Variants in MMUT observed in about 807,000 individuals in gnomAD.
MMUT encodes the protein methylmalonyl-CoA mutase.
A neutral mutation model predicts 79.9 loss-of-function variants in MMUT; 79 were observed. The observed-to-expected ratio is 0.99, with a 90% CI of 0.82 to 1.19. The LOEUF is 1.19. Among genes scored for constraint, MMUT ranks in the 50% most tolerant of loss-of-function variants. MMUT has a pLI of 0.00. For synonymous variants in MMUT, 273 were observed against 295.7 expected (o/e 0.92, Z 0.79); for missense variants, 860 against 917.2 (o/e 0.94, Z 0.81).
In MMUT at chr6:49,456,235, G is replaced by A. The variant is rs376716145; in HGVS notation, c.756C>T (p.His252=). The A allele has an allele frequency of 2.7e-5, 43 of 1,604,188 alleles. No individual in the cohort carries two copies. Among genetic ancestry groups the A allele is most frequent in the Non-Finnish European group, 1.0e-5 (12 of 1,171,900 alleles). The change falls in exon 4 of 13, where the codon CAC becomes CAT. Residue 252 remains histidine, a splice_region_variant and synonymous_variant. Transcript: ENST00000274813. ...IADIFEYTAK[H]MPKFNSISIS... ...TTGAAATTGAATTAAATTTTGGCATGTGCTACATAAAAAAAAAAATTGTAA... is the reference window on the plus strand; with the variant it reads ...TTGAAATTGAATTAAATTTTGGCATATGCTACATAAAAAAAAAAATTGTAA...
intron 6 of MMUT, among the ~76,000 whole-genome samples, chr6:49,450,162 C>CA (rs1162338809): frequency 6.8e-6 from 1 of 147,106 alleles, no homozygotes; most frequent in Non-Finnish European, 1.5e-5. Context: ...ACTAGGGAGT[C>CA]AAAAGTTGCA....
chr6:49,437,384 T>C (rs1767159402), intron 11 of MMUT, among the ~76,000 whole-genome samples: 1 of 152,004 alleles, frequency 6.6e-6, no homozygotes, highest in Non-Finnish European at 1.5e-5. Context: ...AGCCACACAA[T>C]TATACAGTAT....
chr6:49,457,068 C>T (rs533548370), intron 3 of MMUT, among the ~76,000 whole-genome samples: 288 of 152,242 alleles, frequency 1.9e-3, no homozygotes, highest in Admixed American at 4.7e-3. Flanking sequence ...GGGTTGATGA[C>T]GATTTTCTCT....
In MMUT at chr6:49,438,359, G is replaced by A. The variant is rs186883175; in HGVS notation, c.1956+1847C>T. ...TTAAAAAAAGACAACAAAAATAAAC[G>A]AAAATAACCTTACTTATGAATTGAG... On this transcript the variant is annotated intron_variant, in intron 11 of 12. Transcript: ENST00000274813. 5.5e-3 allele frequency among the ~76,000 whole-genome samples: 840 copies of A among 151,916 alleles called. 5 individuals are homozygous for A. The highest frequency in any genetic ancestry group is 0.012 in the South Asian group (60 of 4,812).
At chr6:49,433,874 T>C (rs1239368107) in intron 12 of MMUT, among the ~76,000 whole-genome samples, 1 of 152,222 alleles carries the variant, frequency 6.6e-6, no homozygotes, top group Non-Finnish European at 1.5e-5. Context: ...ATAATACCCA[T>C]ATTCACACAA....
rs974131993 is a variant in MMUT, at chr6:49,441,884, G to A, written c.1764C>T (p.Arg588=). 1 of 1,611,848 alleles carries A rather than the reference G, an allele frequency of 6.2e-7. No individual in the cohort carries two copies. Among genetic ancestry groups the A allele is most frequent in the Non-Finnish European group, 8.5e-7 (1 of 1,178,682 alleles). ...ANDRMVSGAY[R]QEFGESKEIT... ...TCTCTTTACTTTCTCCAAATTCCTG[G>A]CGATATGCTCCACTCACCATTCGAT... Residue 588 remains arginine, a synonymous_variant, in exon 10 of 13, where the codon CGC becomes CGT. Transcript: ENST00000274813.
At chr6:49,448,690 G>A (rs1281662662) in intron 7 of MMUT, 126 bp downstream of exon 7, 10 of 767,226 alleles carry the variant, frequency 1.3e-5, no homozygotes, top group Non-Finnish European at 2.0e-5. Flanking sequence ...AAGTATATGA[G>A]AAAAAATTTA....
At chr6:49,457,529 G>A (rs571701135) in intron 3 of MMUT, among the ~76,000 whole-genome samples, 162 bp downstream of exon 3, 2 of 152,098 alleles carry the variant, frequency 1.3e-5, no homozygotes, top group African/African-American at 2.4e-5. Context: ...TGCAAGTAAC[G>A]ACAGAACATA....
At chr6:49,447,852 T>G (rs1767450085) in intron 7 of MMUT, 67 bp from the exon 8 acceptor site, 8 of 872,280 alleles carry the variant, frequency 9.2e-6, no homozygotes, top group Non-Finnish European at 1.5e-5. Context: ...CTGGTTATGA[T>G]GTATTTTCCT....
intron 8 of MMUT, 92 bp from the exon 9 acceptor site, chr6:49,444,846 T>G: frequency 1.1e-6 from 1 of 886,010 alleles, no homozygotes; most frequent in Non-Finnish European, 1.8e-6. Context: ...GCATATGGCA[T>G]TTTTTTCCAT....
At position 49,457,786 on chromosome 6, in the gene MMUT, C is replaced by G; in HGVS notation, c.658G>C (p.Asp220His). 6.2e-7 allele frequency: 1 copy of G among 1,613,106 alleles called. No homozygotes were observed. Among genetic ancestry groups the G allele is most frequent in the Non-Finnish European group, 8.5e-7 (1 of 1,179,290 alleles). Residue 220 changes from aspartate (D) to histidine (H), a missense_variant, in exon 3 of 13, where the codon GAT becomes CAT. By Grantham distance (81) the Asp-to-His change is moderately conservative (BLOSUM62 -1). Coordinates refer to ENST00000274813, the MANE Select transcript of MMUT (RefSeq NM_000255.4). ...CGAACCATAAATTCCTTTAGTATAT[C>G]ATTTTGGATGGTACCAGTAAGCTTC... is the stretch of plus-strand genomic sequence containing the variant. ...KEKLTGTIQN[D>H]ILKEFMVRNT...
chr6:49,431,934 T>A, intron 12 of MMUT, 78 bp from the exon 13 acceptor site: 3 of 1,518,012 alleles, frequency 2.0e-6, no homozygotes, highest in Non-Finnish European at 2.7e-6. Context: ...CTTTCTTCTT[T>A]GTCACTCAAT....
Position 49,431,527 on chromosome 6 carries a change from T to C in MMUT, c.*201A>G, listed in dbSNP as rs1581814976. The C allele has an allele frequency of 7.0e-6, 1 of 142,704 alleles. No individual in the cohort carries two copies. Among genetic ancestry groups the C allele is most frequent in the Non-Finnish European group, 1.3e-5 (1 of 74,454 alleles). The allele number at this position is 142,704 out of a possible 1,614,324, so 8.8% of individuals were successfully genotyped here. ...AGAGAGTATAGAGAGTTTTTAGGGA[T>C]TTTTTTTTTATTTTTGAAGTGAAAC... is the stretch of plus-strand genomic sequence containing the variant. On this transcript the variant is annotated 3_prime_UTR_variant, in exon 13 of 13. Coordinates refer to ENST00000274813, the MANE Select transcript of MMUT (RefSeq NM_000255.4).
At chr6:49,457,025 A>G (rs577614320) in intron 3 of MMUT, among the ~76,000 whole-genome samples, 6 of 152,234 alleles carry the variant, frequency 3.9e-5, no homozygotes, top group Non-Finnish European at 7.3e-5. Flanking sequence ...GTTTGGAGAT[A>G]ACAGTAATTA....
Position 49,457,953 on chromosome 6 carries a change from A to T in MMUT, c.491T>A (p.Ile164Asn), listed in dbSNP as rs201477610. ...AATTTTGGTATCTTCCACAGTGTCA[A>T]TAGCAACTCCAGCCATTCCAACATC... is the stretch of plus-strand genomic sequence containing the variant. Reference protein sequence around the residue: ...RGDVGMAGVAIDTVEDTKILF... With the variant: ...RGDVGMAGVANDTVEDTKILF... Residue 164 changes from isoleucine (I) to asparagine (N), a missense_variant, in exon 3 of 13, where the codon ATT (isoleucine) becomes AAT (asparagine). Physicochemically the swap from Ile to Asn is moderately radical, Grantham distance 149 (BLOSUM62 -3). Transcript: ENST00000274813. 6.2e-7 allele frequency: 1 copy of T among 1,611,806 alleles called. No homozygotes were observed. Among genetic ancestry groups the T allele is most frequent in the Non-Finnish European group, 8.5e-7 (1 of 1,179,938 alleles).
chr6:49,450,309 T>C (rs1767520121), intron 6 of MMUT, among the ~76,000 whole-genome samples: 1 of 150,202 alleles, frequency 6.7e-6, no homozygotes. Context: ...GACTAGGAGT[T>C]CTAGAAAGAG....
At chr6:49,440,137 T>G in intron 11 of MMUT, 69 bp downstream of exon 11, 2 of 1,580,564 alleles carry the variant, frequency 1.3e-6, no homozygotes, top group South Asian at 2.2e-5. Context: ...CTGTCATCAT[T>G]TTACTACATT....
intron 1 of MMUT, 93 bp from the exon 2 acceptor site, chr6:49,459,598 A>G (rs981967474): frequency 2.5e-5 from 25 of 988,204 alleles, no homozygotes; most frequent in Non-Finnish European, 3.4e-5. Context: ...AAGAGGATGT[A>G]TTAGTCTGAT....
chr6:49,438,344 A>G (rs1476944229), intron 11 of MMUT, among the ~76,000 whole-genome samples: 1 of 151,582 alleles, frequency 6.6e-6, no homozygotes, highest in African/African-American at 2.4e-5. Flanking sequence ...TTAAAAAAAG[A>G]CAACAAAAAT....
Sources: gnomAD v4.1 joint callset for allele counts (sites outside exome capture counted in the v4.1 genomes callset) on GRCh38, gnomAD v4.1.1 for gene constraint, MANE v1.5 for transcripts, NCBI Gene and HGNC (gene_info 2026-07-23, HGNC 2026-07-21) for gene names.